RHBDD1: variants seen among roughly 807,000 people sequenced by gnomAD.
The protein encoded by RHBDD1 is rhomboid domain containing 1.
In RHBDD1, 38 loss-of-function variants were observed where a neutral mutation model predicts 36.3. That is an observed-to-expected ratio of 1.05 (90% CI 0.81 to 1.37). RHBDD1 has a LOEUF of 1.37. RHBDD1 is among the 40% of genes most tolerant of loss of function. The pLI, the probability that RHBDD1 is intolerant of heterozygous loss-of-function variation, is 0.00. For synonymous variants in RHBDD1, 151 were observed against 136.5 expected (o/e 1.11, Z -0.74); for missense variants, 393 against 377.6 (o/e 1.04, Z -0.34).
the RHBDD1 span, chr2:226,808,532 C>T: frequency 6.6e-6 from 1 of 152,198 alleles, no homozygotes; most frequent in East Asian, 1.9e-4. Context: ...ACTCATGTGT[C>T]TGGCACCTGC....
chr2:226,847,018 A>C (rs1411412703), intron 3 of RHBDD1, among the ~76,000 whole-genome samples: 2 of 152,174 alleles, frequency 1.3e-5, no homozygotes, highest in Non-Finnish European at 2.9e-5. Context: ...GCACATGTGG[A>C]TAGGTATAGC....
chr2:226,913,042 A>C (rs919383120), intron 7 of RHBDD1, among the ~76,000 whole-genome samples: 2 of 152,204 alleles, frequency 1.3e-5, no homozygotes, highest in African/African-American at 4.8e-5. Context: ...TTCATAAAGA[A>C]TACAACAGTA....
chr2:226,804,843 A>G, the RHBDD1 span: 1 of 152,192 alleles, frequency 6.6e-6, no homozygotes, highest in African/African-American at 2.4e-5. Context: ...AAGAGAATCC[A>G]TAACTGATAT....
chr2:226,941,900 G>A (rs1950689479), intron 8 of RHBDD1, among the ~76,000 whole-genome samples: 3 of 152,040 alleles, frequency 2.0e-5, no homozygotes, highest in Admixed American at 1.3e-4. Context: ...ACTTACCCAC[G>A]CAGAACCCTA....
intron 8 of RHBDD1, among the ~76,000 whole-genome samples, chr2:226,918,055 T>G (rs1198028577): frequency 6.6e-6 from 1 of 152,020 alleles, no homozygotes; most frequent in Non-Finnish European, 1.5e-5. Context: ...TAACTCCTAT[T>G]AGGAAAATAG....
intron 8 of RHBDD1, among the ~76,000 whole-genome samples, chr2:226,917,783 T>C (rs115127396): frequency 1.6e-3 from 249 of 152,216 alleles, no homozygotes; most frequent in African/African-American, 5.6e-3. Context: ...GTAGAACTTG[T>C]TTGTCTCTCA....
chr2:226,915,955 G>T (rs369389080), intron 8 of RHBDD1, among the ~76,000 whole-genome samples: 2 of 152,190 alleles, frequency 1.3e-5, no homozygotes, highest in East Asian at 3.8e-4. Context: ...GTCTGCGCTG[G>T]TCTGCTGGGG....
chr2:226,814,427 G>A, the RHBDD1 span, among the ~76,000 whole-genome samples: 25,482 of 152,058 alleles, frequency 0.17, 3,161 homozygotes, highest in African/African-American at 0.35. Flanking sequence ...CTTTGAATAC[G>A]GATCAAAAGT....
At chr2:226,841,686 C>T (rs1221164443) in intron 3 of RHBDD1, among the ~76,000 whole-genome samples, 1 of 152,162 alleles carries the variant, frequency 6.6e-6, no homozygotes, top group East Asian at 1.9e-4. Flanking sequence ...TCTTCTTTAT[C>T]CATCTATCAT....
intron 8 of RHBDD1, among the ~76,000 whole-genome samples, chr2:226,923,626 C>T (rs1451678162): frequency 2.0e-5 from 3 of 152,068 alleles, no homozygotes; most frequent in Non-Finnish European, 4.4e-5. Context: ...CCCTCTCTCT[C>T]TCCATCCTCT....
At chr2:226,914,841 G>C (rs555279470) in intron 8 of RHBDD1, among the ~76,000 whole-genome samples, 1 of 152,078 alleles carries the variant, frequency 6.6e-6, no homozygotes, top group Non-Finnish European at 1.5e-5. Context: ...TTTTGAACAG[G>C]CTTTCCAGGA....
chr2:226,986,356 G>A (rs947397867), intron 8 of RHBDD1, among the ~76,000 whole-genome samples: 11 of 152,224 alleles, frequency 7.2e-5, no homozygotes, highest in African/African-American at 2.6e-4. Context: ...TATCAATGTT[G>A]GTTTCTTAGT....
chr2:226,857,588 T>C (rs1453832659), intron 3 of RHBDD1, among the ~76,000 whole-genome samples: 1 of 152,166 alleles, frequency 6.6e-6, no homozygotes, highest in East Asian at 1.9e-4. Context: ...TAAAATACTA[T>C]TTGACCATAA....
At chr2:226,928,296 A>G (rs1038649346) in intron 8 of RHBDD1, among the ~76,000 whole-genome samples, 2 of 152,134 alleles carry the variant, frequency 1.3e-5, no homozygotes, top group African/African-American at 4.8e-5. Flanking sequence ...AAGTCATATC[A>G]GATATCTTCT....
intron 3 of RHBDD1, among the ~76,000 whole-genome samples, chr2:226,847,191 G>T (rs1224814320): frequency 6.6e-6 from 1 of 152,128 alleles, no homozygotes; most frequent in Admixed American, 6.6e-5. Flanking sequence ...TAATATACAA[G>T]TTGCATTTGA....
At chr2:226,830,246 T>A in the RHBDD1 span, among the ~76,000 whole-genome samples, 29 of 152,268 alleles carry the variant, frequency 1.9e-4, no homozygotes, top group African/African-American at 6.7e-4. Flanking sequence ...CGTGCCCTTA[T>A]AAGAGACCCC....
chr2:226,987,373 GAA>G (rs1261848239), intron 8 of RHBDD1, among the ~76,000 whole-genome samples: 1 of 152,178 alleles, frequency 6.6e-6, no homozygotes, highest in African/African-American at 2.4e-5. Flanking sequence ...GGACGGCACT[GAA>G]GAGAGACAAA....
chr2:226,987,803 G>T (rs756134794), intron 8 of RHBDD1, among the ~76,000 whole-genome samples: 12 of 152,346 alleles, frequency 7.9e-5, no homozygotes, highest in South Asian at 2.1e-4. Flanking sequence ...TCATCTGGGT[G>T]CTCGTTAAAA....
intron 5 of RHBDD1, among the ~76,000 whole-genome samples, chr2:226,874,714 C>CT (rs1945075677): frequency 6.6e-6 from 1 of 152,304 alleles, no homozygotes; most frequent in African/African-American, 2.4e-5. Flanking sequence ...CTTAATCACA[C>CT]TTGCTAAATC....
Sources: gnomAD v4.1 joint callset for allele counts (sites outside exome capture counted in the v4.1 genomes callset) on GRCh38, gnomAD v4.1.1 for gene constraint, MANE v1.5 for transcripts, NCBI Gene and HGNC (gene_info 2026-07-23, HGNC 2026-07-21) for gene names.